The following ADGRF3 variants were observed in gnomAD, a reference collection of about 807,000 sequenced individuals.
ADGRF3 encodes adhesion G protein-coupled receptor F3, also known as G protein-coupled receptor 113.
A neutral mutation model predicts 93.2 loss-of-function variants in ADGRF3; 85 were observed. That is an observed-to-expected ratio of 0.91 (90% CI 0.77 to 1.09). The LOEUF is 1.09. Ranked by LOEUF, ADGRF3 falls within the 50% of genes least tolerant of loss-of-function variation. The probability of loss-of-function intolerance (pLI) is 0.00; values close to 1 mark genes in which losing one functional copy is unlikely to be tolerated. For synonymous variants in ADGRF3, 534 were observed against 532.5 expected (o/e 1.00, Z -0.04); for missense variants, 1,125 against 1,246.2 (o/e 0.90, Z 1.46).
chr2:26,318,118 G>A lies in ADGRF3; in HGVS notation c.115-556C>T, dbSNP rs202027387. 7 of 1,539,716 alleles carry A rather than the reference G, an allele frequency of 4.5e-6. No homozygotes were observed. The South Asian group carries it at 8.5e-5, about 19-fold the overall frequency. On this transcript the variant is annotated intron_variant, in intron 1 of 13. Coordinates refer to ENST00000651242, the MANE Select transcript of ADGRF3 (RefSeq NM_001321971.2). ...AGGGGGATGGGGCAGGCAGGGAAGG[G>A]TCTGTCTGGTAGGGAGGTGAGGATG...
At chr2:26,309,978 G>T in intron 12 of ADGRF3, 65 bp downstream of exon 12, 5 of 1,614,012 alleles carry the variant, frequency 3.1e-6, no homozygotes, top group Non-Finnish European at 4.2e-6. Flanking sequence ...CTCTGAGGAG[G>T]GCCATGGAAT....
chr2:26,313,687 T>G (rs7566473), intron 7 of ADGRF3, 73 bp downstream of exon 7: 7 of 1,587,610 alleles, frequency 4.4e-6, no homozygotes, highest in Middle Eastern at 2.0e-4. Context: ...GGCAGAGACG[T>G]GCCATGCAAG....
In ADGRF3 at chr2:26,311,046, T is replaced by A. The variant is rs780914542; in HGVS notation, c.2478A>T (p.Pro826=). The A allele has an allele frequency of 7.5e-6, 12 of 1,610,086 alleles. No homozygotes were observed. In the East Asian group the frequency reaches 2.7e-4, roughly 36 times the overall value. ...PLMVLLGYLC[P]LGLAGVTLGL... ...CCAGGGTGACACCTGCCAACCCCAGTGGGCACAGGTAGCCCAGGAGCACCA... is the reference window on the plus strand; with the variant it reads ...CCAGGGTGACACCTGCCAACCCCAGAGGGCACAGGTAGCCCAGGAGCACCA... Residue 826 remains proline, a synonymous_variant, in exon 10 of 14, where the codon CCA becomes CCT. Transcript: ENST00000651242.
rs138078667 is a variant in ADGRF3, at chr2:26,313,889, C to G, written c.943G>C (p.Glu315Gln). ...AGCACAAAGCACTGAGAGCCTGACT[C>G]GTTGAAGGAGGAAGCTGAAGGCAAA... ...GEGSKASSFN[E>Q]SGSQCFVLAV... is the part of the protein sequence containing the mutation. The change falls in exon 7 of 14, where the codon GAG becomes CAG. Residue 315 changes from glutamate to glutamine, a missense_variant. Physicochemically the swap from Glu to Gln is conservative, Grantham distance 29. Coordinates refer to ENST00000651242, the MANE Select transcript of ADGRF3 (RefSeq NM_001321971.2). The G allele has an allele frequency of 4.3e-6, 7 of 1,613,958 alleles. No homozygotes were observed. The highest frequency in any genetic ancestry group is 5.9e-6 in the Non-Finnish European group (7 of 1,179,896).
At chr2:26,312,275 C>CT (rs1300995874) in intron 9 of ADGRF3, among the ~76,000 whole-genome samples, 1 of 66,440 alleles carries the variant, frequency 1.5e-5, no homozygotes. Context: ...GGCCAACCAC[C>CT]TGGGGCATCT....
intron 1 of ADGRF3, among the ~76,000 whole-genome samples, 168 bp from the exon 2 acceptor site, chr2:26,317,730 G>A (rs1674826478): frequency 6.6e-6 from 1 of 152,214 alleles, no homozygotes; most frequent in Admixed American, 6.5e-5. Context: ...GGGGGTGCCA[G>A]GGATGCAACC....
At chr2:26,309,241 T>G (rs1323925022) in intron 13 of ADGRF3, 134 bp from the exon 14 acceptor site, 2 of 1,597,050 alleles carry the variant, frequency 1.3e-6, no homozygotes, top group Non-Finnish European at 1.7e-6. Flanking sequence ...TGTGTGATAA[T>G]GTGAAAAGGA....
chr2:26,319,110 G>C (rs1674952130), intron 1 of ADGRF3: 1 of 1,513,790 alleles, frequency 6.6e-7, no homozygotes, highest in East Asian at 2.5e-5. Context: ...AGAGCTGGCA[G>C]GGCAGTGTGC....
chr2:26,345,767 G>C (rs1676688068), intron 1 of ADGRF3: 1 of 294,056 alleles, frequency 3.4e-6, no homozygotes, highest in African/African-American at 2.2e-5. Context: ...GACTAAAACG[G>C]TATACCCCAG....
rs1574698216 is a variant in ADGRF3 at position 26,312,035 on chromosome 2, T to G, written c.1489A>C (p.Thr497Pro). 1 of 1,612,524 alleles carries G rather than the reference T, an allele frequency of 6.2e-7. No homozygotes were observed. ...TGGGCCAGGGTCCACAGAGACCTGG[T>G]GTCCATATCTAGGACCTTGTCTGTG... ...IATDKVLDMDTRSLWTLAQAR... is the reference protein window; with the variant it reads ...IATDKVLDMDPRSLWTLAQAR... The change falls in exon 10 of 14, where the codon ACC (threonine) becomes CCC (proline). Residue 497 changes from threonine to proline, a missense_variant. Physicochemically the swap from Thr to Pro is conservative, Grantham distance 38. Coordinates refer to ENST00000651242, the MANE Select transcript of ADGRF3 (RefSeq NM_001321971.2).
At position 26,312,930 on chromosome 2, in the gene ADGRF3, T is replaced by A. The variant is rs1349749211; in HGVS notation, c.1449+13A>T. 1 of 1,597,824 alleles carries A rather than the reference T, an allele frequency of 6.3e-7. No homozygotes were observed. The highest frequency in any genetic ancestry group is 1.3e-5 in the African/African-American group (1 of 74,620). Reference sequence around the variant, plus strand: ...CTGCCCAGCTGGCCCCCACTGTGGCTCAGAGATCTCACCTTCAGGGCTCTG... The same window carrying A: ...CTGCCCAGCTGGCCCCCACTGTGGCACAGAGATCTCACCTTCAGGGCTCTG... On this transcript the variant is annotated intron_variant, in intron 9 of 13. Transcript: ENST00000651242.
In ADGRF3 at chr2:26,328,862, G is replaced by C. The variant is rs1362595323; in HGVS notation, c.115-11300C>G. On this transcript the variant is annotated intron_variant, in intron 1 of 13. Coordinates refer to ENST00000651242, the MANE Select transcript of ADGRF3 (RefSeq NM_001321971.2). ...CTATTGATCTATCTTCAAGTTGACTGACTTTTTTCTCTGTCATCTCTGTTC... is the reference window on the plus strand; with the variant it reads ...CTATTGATCTATCTTCAAGTTGACTCACTTTTTTCTCTGTCATCTCTGTTC... Among the ~76,000 whole-genome samples the C allele has an allele frequency of 8.5e-4, 129 of 152,192 alleles. 1 individual carries two copies. Among genetic ancestry groups the C allele is most frequent in the Admixed American group, 8.4e-3 (128 of 15,278 alleles).
At position 26,346,203 on chromosome 2, in the gene ADGRF3, G is replaced by C; in HGVS notation, c.32C>G (p.Ala11Gly). The change falls in exon 1 of 14, where the codon GCA becomes GGA. Residue 11 changes from alanine (A) to glycine (G), a missense_variant. Coordinates refer to ENST00000651242, the MANE Select transcript of ADGRF3 (RefSeq NM_001321971.2). ...CACAGCCTTGTAGCCGGGAGTCGCT[G>C]CCGAGTGGGCGCTCAGTTTTCGGGT... MTTRKLSAHS[A>G]ATPGYKAVTH... 3 of 1,613,520 alleles carry C rather than the reference G, an allele frequency of 1.9e-6. No homozygotes were observed. Among genetic ancestry groups the C allele is most frequent in the Non-Finnish European group, 2.5e-6 (3 of 1,179,642 alleles).
At position 26,309,033 on chromosome 2, in the gene ADGRF3, G is replaced by T. The variant is rs1432394191; in HGVS notation, c.*53C>A. On this transcript the variant is annotated 3_prime_UTR_variant, in exon 14 of 14. Coordinates refer to ENST00000651242, the MANE Select transcript of ADGRF3 (RefSeq NM_001321971.2). ...GCATTGGGCCAGGGCTCATCTGGTG[G>T]GTTCAAGCACACAGCCTCAACTCCC... 7.4e-6 allele frequency: 12 copies of T among 1,613,400 alleles called. No homozygotes were observed. Among genetic ancestry groups the T allele is most frequent in the African/African-American group, 1.3e-5 (1 of 74,908 alleles).
intron 1 of ADGRF3, among the ~76,000 whole-genome samples, chr2:26,326,587 G>A (rs1380859557): frequency 2.0e-5 from 3 of 152,090 alleles, no homozygotes; most frequent in Non-Finnish European, 4.4e-5. Context: ...ATTTTATAAA[G>A]TCAATAAACC....
At chr2:26,336,490 C>T (rs1444884015) in intron 1 of ADGRF3, among the ~76,000 whole-genome samples, 11 of 151,808 alleles carry the variant, frequency 7.2e-5, no homozygotes, top group African/African-American at 9.7e-5. Flanking sequence ...CTTTGGGAGA[C>T]CGAGATGGGT....
At chr2:26,314,754 A>T in intron 5 of ADGRF3, 131 bp from the exon 6 acceptor site, 1 of 789,292 alleles carries the variant, frequency 1.3e-6, no homozygotes, top group South Asian at 1.7e-5. Flanking sequence ...CCCAGCAAGC[A>T]AGGTCCCAGG....
chr2:26,310,102 G>A lies in ADGRF3; in HGVS notation c.2878C>T (p.Gln960Ter), dbSNP rs1412278078. Residue 960 changes from glutamine to a stop codon, truncating the protein, a stop_gained, in exon 12 of 14, where the codon CAA becomes TAA. Transcript: ENST00000651242. LOFTEE classifies it high-confidence loss of function. ...LFGCLMDRKI[Q>*]EALRKRFCRA... ...CAGAAGCGTTTGCGCAAAGCTTCTT[G>A]TATCTGCGGGAGAGGTAAATGCTCT... 6 of 1,613,946 alleles carry A rather than the reference G, an allele frequency of 3.7e-6. No individual in the cohort carries two copies. Among genetic ancestry groups the A allele is most frequent in the Admixed American group, 1.7e-5 (1 of 60,008 alleles).
intron 9 of ADGRF3, 27 bp from the exon 10 acceptor site, chr2:26,312,101 C>T: frequency 6.3e-7 from 1 of 1,576,472 alleles, no homozygotes; most frequent in Non-Finnish European, 8.6e-7. Flanking sequence ...AAAGATGAAC[C>T]CCGTCTGCTG....
Sources: allele counts gnomAD v4.1 joint callset (sites outside exome capture counted in the v4.1 genomes callset), GRCh38; gene constraint gnomAD v4.1.1; transcripts MANE v1.5; gene names NCBI Gene and HGNC (gene_info 2026-07-23, HGNC 2026-07-21).